Variants in GNA13 observed in about 807,000 individuals in gnomAD.
The protein encoded by GNA13 is G protein subunit alpha 13.
A neutral mutation model predicts 33.5 loss-of-function variants in GNA13; 4 were observed. That is an observed-to-expected ratio of 0.12 (90% CI 0.06 to 0.27). The LOEUF (loss-of-function observed/expected upper bound fraction) is 0.27. GNA13 is among the 10% of genes least tolerant of loss of function. The pLI, the probability that GNA13 is intolerant of heterozygous loss-of-function variation, is 1.00. For synonymous variants in GNA13, 176 were observed against 183.8 expected (o/e 0.96, Z 0.34); for missense variants, 319 against 487.2 (o/e 0.65, Z 3.25).
chr17:65,040,856 G>A (rs761285081), intron 2 of GNA13, among the ~76,000 whole-genome samples: 56 of 152,124 alleles, frequency 3.7e-4, no homozygotes, highest in Non-Finnish European at 6.6e-4. Context: ...GTATACCCCC[G>A]TACATTCTCT....
intron 2 of GNA13, among the ~76,000 whole-genome samples, chr17:65,042,395 T>C (rs1212393711): frequency 6.7e-6 from 1 of 149,954 alleles, no homozygotes; most frequent in East Asian, 2.0e-4. Flanking sequence ...ATCATAAGTT[T>C]TTGATCTAAA....
rs767082596 is a variant in GNA13 at position 65,018,092 on chromosome 17, T to TAAAAAAAAAAAAAAAAAAA, written c.561+142_561+160dup. Among the ~76,000 whole-genome samples the TAAAAAAAAAAAAAAAAAAA allele has an allele frequency of 9.3e-5, 2 of 21,510 alleles. 1 individual carries two copies. The highest frequency in any genetic ancestry group is 2.8e-4 in the African/African-American group (2 of 7,196). 14.1% of individuals were successfully genotyped at this position (21,510 alleles called of 152,430 possible). ...CAGAGAAGAATCAGAACGCCACCAC[T>TAAAAAAAAAAAAAAAAAAA]AAAAAAAAAAAAAAAAAAAAAAAAA... On this transcript the variant is annotated intron_variant, in intron 3 of 3. Transcript: ENST00000439174.
intron 3 of GNA13, among the ~76,000 whole-genome samples, chr17:65,015,531 C>T (rs1265254982): frequency 1.3e-5 from 2 of 151,724 alleles, no homozygotes; most frequent in Non-Finnish European, 2.9e-5. Flanking sequence ...GGTGTGGTGG[C>T]GGGCGCCTGT....
At chr17:65,032,422 A>T (rs1301006912) in intron 2 of GNA13, among the ~76,000 whole-genome samples, 1 of 152,186 alleles carries the variant, frequency 6.6e-6, no homozygotes, top group African/African-American at 2.4e-5. Context: ...GTAAATACAA[A>T]ACCAGGCCTG....
At chr17:65,017,857 T>C (rs529890735) in intron 3 of GNA13, among the ~76,000 whole-genome samples, 1 of 152,100 alleles carries the variant, frequency 6.6e-6, no homozygotes, top group Admixed American at 6.5e-5. Context: ...TAACAGATAA[T>C]GCACAATATC....
At chr17:65,038,672 C>T (rs111437861) in intron 2 of GNA13, among the ~76,000 whole-genome samples, 7,622 of 152,236 alleles carry the variant, frequency 0.05, 259 homozygotes, top group Non-Finnish European at 0.079. Context: ...AGCAATCCGC[C>T]CACCTTGGCC....
Position 65,056,340 on chromosome 17 carries a change from C to A in GNA13, c.254G>T (p.Arg85Leu). 1.3e-6 allele frequency: 2 copies of A among 1,540,414 alleles called. No homozygotes were observed. The highest frequency in any genetic ancestry group is 1.8e-6 in the Non-Finnish European group (2 of 1,137,138). The change falls in exon 1 of 4, where the codon CGC becomes CTC. Residue 85 changes from arginine (R) to leucine (L), a missense_variant. Arg to Leu is a moderately radical substitution (Grantham distance 102). Around this residue, in one of 4 missense-constraint regions of GNA13, gnomAD observed 136 missense variants for 159.3 expected, o/e 0.85. Coordinates refer to ENST00000439174, the MANE Select transcript of GNA13 (RefSeq NM_006572.6). The part of the protein sequence containing the change: ...DFDQRAREEF[R>L]PTIYSNVIKG... Reference sequence around the variant, plus strand: ...GATCACGTTGCTGTAGATGGTGGGGCGGAACTCCTCGCGCGCGCGCTGGTC... The same window carrying A: ...GATCACGTTGCTGTAGATGGTGGGGAGGAACTCCTCGCGCGCGCGCTGGTC...
chr17:65,046,195 A>C (rs1907655309), intron 2 of GNA13, among the ~76,000 whole-genome samples: 1 of 152,194 alleles, frequency 6.6e-6, no homozygotes, highest in Non-Finnish European at 1.5e-5. Flanking sequence ...GGATTTGAAA[A>C]GTGCAAAGCA....
In GNA13 at chr17:65,011,426, T is replaced by C. The variant is rs1906185163; in HGVS notation, c.*2831A>G. On this transcript the variant is annotated 3_prime_UTR_variant, in exon 4 of 4. Transcript: ENST00000439174. ...AATAAAATTGAAATGAAGATTTCAA[T>C]TTAATATTTGGCAGACAGCAACAAT... 1 of 198,358 alleles carries C rather than the reference T, an allele frequency of 5.0e-6. No homozygotes were observed. Among genetic ancestry groups the C allele is most frequent in the South Asian group, 1.9e-4 (1 of 5,234 alleles). 12.3% of individuals were successfully genotyped at this position (198,358 alleles called of 1,614,324 possible).
intron 2 of GNA13, among the ~76,000 whole-genome samples, chr17:65,035,474 A>T (rs1907208141): frequency 6.6e-6 from 1 of 152,214 alleles, no homozygotes; most frequent in African/African-American, 2.4e-5. Context: ...GTCAGCAGAG[A>T]TGTCCTGAGG....
chr17:65,055,706 T>C (rs1567830390), intron 1 of GNA13: 1 of 985,390 alleles, frequency 1.0e-6, no homozygotes, highest in Non-Finnish European at 1.2e-6. Context: ...AAGTTTCATA[T>C]TCTCGCCCAA....
At position 65,018,283 on chromosome 17, in the gene GNA13, G is replaced by A; in HGVS notation, c.531C>T (p.Phe177=). ...EFQLGESVKY[F]LDNLDKLGEP... ...CTCCAAGTTTATCCAAGTTATCCAG[G>A]AAATATTTTACAGATTCACCCTAAA... Residue 177 remains phenylalanine (F), a synonymous_variant, in exon 3 of 4, where the codon TTC becomes TTT. Transcript: ENST00000439174. 6.6e-7 allele frequency: 1 copy of A among 1,523,142 alleles called. No homozygotes were observed. Among genetic ancestry groups the A allele is most frequent in the Non-Finnish European group, 9.1e-7 (1 of 1,097,384 alleles). 94.4% of individuals were successfully genotyped at this position (1,523,142 alleles called of 1,614,324 possible).
chr17:65,036,358 C>T (rs1295838193), intron 2 of GNA13, among the ~76,000 whole-genome samples: 3 of 152,330 alleles, frequency 2.0e-5, no homozygotes, highest in African/African-American at 7.2e-5. Context: ...AGCTGAGTAT[C>T]AGCCTCGGGC....
At chr17:65,031,921 A>AGTGTGTGTGTGTGTGTGTGTGT (rs148637639) in intron 2 of GNA13, among the ~76,000 whole-genome samples, 4 of 91,624 alleles carry the variant, frequency 4.4e-5, no homozygotes, top group African/African-American at 4.9e-5. Flanking sequence ...AGAGAGAGAG[A>AGTGTGTGTGTGTGTGTGTGTGT]GTGTGTGTGT....
chr17:65,056,623 C>CCCCTCCGGCT lies in GNA13; in HGVS notation c.-40_-31dup. 1 of 1,587,724 alleles carries CCCCTCCGGCT rather than the reference C, an allele frequency of 6.3e-7. No individual in the cohort carries two copies. The highest frequency in any genetic ancestry group is 8.5e-7 in the Non-Finnish European group (1 of 1,170,562). ...CCGCCGCCGCCGCCGCCTCGGCGGG[C>CCCCTCCGGCT]CCCTCCGGCTCCCTCCACCTCCTCC... On this transcript the variant is annotated 5_prime_UTR_variant, in exon 1 of 4. Transcript: ENST00000439174.
At position 65,012,095 on chromosome 17, in the gene GNA13, T is replaced by C. The variant is rs116270472; in HGVS notation, c.*2162A>G. The C allele has an allele frequency of 2.3e-3, 529 of 227,476 alleles. No homozygotes were observed. The highest frequency in any genetic ancestry group is 0.011 in the African/African-American group (507 of 45,126). 14.1% of individuals were successfully genotyped at this position (227,476 alleles called of 1,614,324 possible). A position where few individuals can be genotyped will look rare whatever the true frequency, so the allele number is the denominator to read the frequency against. ...GGAAGAAAACTGCAAATGCCCAAAA[T>C]AACATGATATCTATTTGGTGTTTCA... On this transcript the variant is annotated 3_prime_UTR_variant, in exon 4 of 4. Coordinates refer to ENST00000439174, the MANE Select transcript of GNA13 (RefSeq NM_006572.6).
intron 1 of GNA13, among the ~76,000 whole-genome samples, chr17:65,055,168 C>T (rs767839448): frequency 5.3e-5 from 8 of 152,128 alleles, no homozygotes; most frequent in Non-Finnish European, 1.2e-4. Context: ...AACTGCTCCC[C>T]AGATAAAATA....
intron 2 of GNA13, among the ~76,000 whole-genome samples, chr17:65,019,462 A>G (rs921629387): frequency 6.6e-6 from 1 of 152,268 alleles, no homozygotes; most frequent in Non-Finnish European, 1.5e-5. Context: ...TGTGATACAC[A>G]TACAGAATGG....
At chr17:65,035,922 A>G (rs1907231363) in intron 2 of GNA13, among the ~76,000 whole-genome samples, 1 of 152,212 alleles carries the variant, frequency 6.6e-6, no homozygotes, top group Admixed American at 6.5e-5. Context: ...CGCCTATTAG[A>G]GCGCTTCATA....
Sources: gnomAD v4.1 joint callset for allele counts (sites outside exome capture counted in the v4.1 genomes callset) on GRCh38, gnomAD v4.1.1 for gene constraint, gnomAD v4.1.1 regional missense constraint, MANE v1.5 for transcripts, NCBI Gene and HGNC (gene_info 2026-07-23, HGNC 2026-07-21) for gene names.